TRPC6: variants seen among roughly 807,000 people sequenced by gnomAD.
TRPC6 encodes short transient receptor potential channel 6.
In TRPC6, 55 loss-of-function variants were observed where a neutral mutation model predicts 90.7. The observed-to-expected ratio is 0.61, with a 90% CI of 0.49 to 0.76. TRPC6 has a LOEUF of 0.76. TRPC6 is among the 30% of genes least tolerant of loss of function. The pLI is 0.00. For synonymous variants in TRPC6, 393 were observed against 393.0 expected (o/e 1.00, Z 0.00); for missense variants, 989 against 1,122.7 (o/e 0.88, Z 1.70).
chr11:101,504,564 A>G lies in TRPC6; in HGVS notation c.405T>C (p.Asn135=). The G allele has an allele frequency of 1.2e-6, 2 of 1,614,172 alleles. No homozygotes were observed. Among genetic ancestry groups the G allele is most frequent in the South Asian group, 1.1e-5 (1 of 91,092 alleles). Residue 135 remains asparagine (N), a synonymous_variant, in exon 2 of 13, where the codon AAT becomes AAC. Coordinates refer to ENST00000344327, the MANE Select transcript of TRPC6 (RefSeq NM_004621.6). ...CATTGGCCACTGCCAACTGTAGGGC[A>G]TTCTGGCCCATGTAATCCACACAGT... ...NVNCVDYMGQ[N]ALQLAVANEH... is the part of the protein sequence containing the mutation.
At chr11:101,542,082 A>T (rs1303432288) in intron 1 of TRPC6, among the ~76,000 whole-genome samples, 3 of 152,002 alleles carry the variant, frequency 2.0e-5, no homozygotes, top group African/African-American at 7.3e-5. Flanking sequence ...TCCTAGATAA[A>T]TTTTTTTAAT....
Position 101,504,725 on chromosome 11 carries a change from G to A in TRPC6, c.244C>T (p.Arg82Ter). ...TCACTAAACATGTATGCTGGTCCTC[G>A]ATTAGCTAACCTTCTCCCCTTCTCA... is the stretch of plus-strand genomic sequence containing the variant. ...LREKGRRLAN[R>*]GPAYMFSDRS... The change falls in exon 2 of 13, where the codon CGA (arginine) becomes TGA (stop). Residue 82 changes from arginine to a stop codon, truncating the protein, a stop_gained. Transcript: ENST00000344327. LOFTEE classifies it high-confidence loss of function. 6.3e-7 allele frequency: 1 copy of A among 1,595,990 alleles called. No homozygotes were observed. The highest frequency in any genetic ancestry group is 8.5e-7 in the Non-Finnish European group (1 of 1,170,448).
At chr11:101,579,299 T>C (rs1161762610) in intron 1 of TRPC6, among the ~76,000 whole-genome samples, 1 of 152,200 alleles carries the variant, frequency 6.6e-6, no homozygotes, top group Admixed American at 6.5e-5. Context: ...TTTCTTAAGG[T>C]TTGATTTATT....
At chr11:101,476,625 A>C (rs1350259309) in intron 5 of TRPC6, 91 bp from the exon 6 acceptor site, 3 of 1,186,112 alleles carry the variant, frequency 2.5e-6, no homozygotes, top group Non-Finnish European at 3.7e-6. Context: ...TCTCAGCCTG[A>C]CATTACAAAA....
At chr11:101,511,658 C>T (rs192170870) in intron 1 of TRPC6, among the ~76,000 whole-genome samples, 50 of 152,204 alleles carry the variant, frequency 3.3e-4, no homozygotes, top group Non-Finnish European at 6.5e-4. Flanking sequence ...ATCCTTGTGA[C>T]TTGTTCATGA....
intron 1 of TRPC6, among the ~76,000 whole-genome samples, chr11:101,514,550 G>A (rs1032494098): frequency 6.6e-6 from 1 of 152,156 alleles, no homozygotes; most frequent in African/African-American, 2.4e-5. Flanking sequence ...GAACACATAA[G>A]AGTTCCCATC....
intron 2 of TRPC6, among the ~76,000 whole-genome samples, chr11:101,500,456 C>A (rs1242727307): frequency 6.6e-6 from 1 of 152,008 alleles, no homozygotes; most frequent in African/African-American, 2.4e-5. Context: ...GATCCACCCA[C>A]CTCGGCCTCC....
intron 1 of TRPC6, among the ~76,000 whole-genome samples, chr11:101,538,720 T>C (rs1452344880): frequency 1.3e-5 from 2 of 151,976 alleles, no homozygotes; most frequent in African/African-American, 2.4e-5. Flanking sequence ...ATCAGAGAGA[T>C]TGGAAACATG....
chr11:101,542,812 A>G (rs1385500387), intron 1 of TRPC6, among the ~76,000 whole-genome samples: 2 of 152,072 alleles, frequency 1.3e-5, no homozygotes, highest in African/African-American at 4.8e-5. Flanking sequence ...AAATTCTATG[A>G]ACTTCAGACT....
At chr11:101,464,834 A>G (rs925883791) in intron 10 of TRPC6, among the ~76,000 whole-genome samples, 8 of 152,182 alleles carry the variant, frequency 5.3e-5, no homozygotes, top group Non-Finnish European at 1.2e-4. Context: ...TCCTGTCATT[A>G]TGATACTAGC....
chr11:101,515,104 T>C (rs1038913106), intron 1 of TRPC6, among the ~76,000 whole-genome samples: 1 of 152,224 alleles, frequency 6.6e-6, no homozygotes, highest in South Asian at 2.1e-4. Flanking sequence ...TTAAGGTAAT[T>C]CAATGCCTCA....
chr11:101,583,306 C>G (rs772690793), intron 1 of TRPC6, 28 bp downstream of exon 1: 4 of 1,557,370 alleles, frequency 2.6e-6, no homozygotes, highest in South Asian at 2.3e-5. Context: ...AGCCCGCGCC[C>G]GATCCGCCCC....
chr11:101,455,294 T>C, intron 10 of TRPC6, 193 bp from the exon 11 acceptor site: 2 of 542,746 alleles, frequency 3.7e-6, no homozygotes, highest in Admixed American at 3.2e-5. Flanking sequence ...AGTTTGTTAA[T>C]GGCTGTTTGT....
At chr11:101,582,221 T>G (rs1862213296) in intron 1 of TRPC6, among the ~76,000 whole-genome samples, 1 of 152,190 alleles carries the variant, frequency 6.6e-6, no homozygotes, top group Non-Finnish European at 1.5e-5. Flanking sequence ...GATGCTCCCT[T>G]TACTGCGGCT....
chr11:101,458,100 A>G (rs1363133733), intron 10 of TRPC6, among the ~76,000 whole-genome samples: 1 of 152,176 alleles, frequency 6.6e-6, no homozygotes. Context: ...ATCTAGCACA[A>G]AACCTATTTT....
chr11:101,544,425 G>A (rs1241013244), intron 1 of TRPC6, among the ~76,000 whole-genome samples: 3 of 152,104 alleles, frequency 2.0e-5, no homozygotes, highest in Non-Finnish European at 4.4e-5. Flanking sequence ...AAAGACACAT[G>A]CACACATATG....
At chr11:101,526,055 A>T (rs973639748) in intron 1 of TRPC6, among the ~76,000 whole-genome samples, 18 of 152,204 alleles carry the variant, frequency 1.2e-4, no homozygotes, top group African/African-American at 4.1e-4. Flanking sequence ...GGTAAAACAG[A>T]TTCCAAGAGG....
chr11:101,574,450 C>T (rs1862033027), intron 1 of TRPC6, among the ~76,000 whole-genome samples: 1 of 151,182 alleles, frequency 6.6e-6, no homozygotes, highest in Non-Finnish European at 1.5e-5. Flanking sequence ...GAGCAGGTTA[C>T]AATTGATAGA....
rs371919016 is a variant in TRPC6, at chr11:101,504,751, C to A, written c.218G>T (p.Arg73Leu). Residue 73 changes from arginine (R) to leucine (L), a missense_variant, in exon 2 of 13, where the codon CGT becomes CTT. Physicochemically the swap from Arg to Leu is moderately radical, Grantham distance 102. Transcript: ENST00000344327. ...RLAHRRQTVL[R>L]EKGRRLANRG... ...ATTAGCTAACCTTCTCCCCTTCTCACGGAGAACTGTCTGCCGCCGGTGAGC... is the reference window on the plus strand; with the variant it reads ...ATTAGCTAACCTTCTCCCCTTCTCAAGGAGAACTGTCTGCCGCCGGTGAGC... 7.5e-6 allele frequency: 12 copies of A among 1,603,940 alleles called. No individual in the cohort carries two copies. The highest frequency in any genetic ancestry group is 9.4e-6 in the Non-Finnish European group (11 of 1,175,290).
Sources: allele counts gnomAD v4.1 joint callset (sites outside exome capture counted in the v4.1 genomes callset), GRCh38; gene constraint gnomAD v4.1.1; transcripts MANE v1.5; gene names NCBI Gene and HGNC (gene_info 2026-07-23, HGNC 2026-07-21).